ZFYVE27: variants seen among roughly 807,000 people sequenced by gnomAD.
The protein encoded by ZFYVE27 is protrudin.
A neutral mutation model predicts 52.8 loss-of-function variants in ZFYVE27; 36 were observed. The ratio of observed to expected loss-of-function variants is 0.68; its 90% CI spans 0.52 to 0.90. The LOEUF (loss-of-function observed/expected upper bound fraction) is 0.90, where lower values mean the gene tolerates loss of function less well. ZFYVE27 is among the 40% of genes least tolerant of loss of function. The pLI, the probability that ZFYVE27 is intolerant of heterozygous loss-of-function variation, is 0.00. For synonymous variants in ZFYVE27, 223 were observed against 215.6 expected, an observed-to-expected ratio of 1.03 and a Z score of -0.30; for missense variants, 450 against 527.2, an observed-to-expected ratio of 0.85 and a Z score of 1.43.
intron 6 of ZFYVE27, among the ~76,000 whole-genome samples, chr10:97,749,806 C>T (rs1288680766): frequency 2.0e-5 from 3 of 152,216 alleles, no homozygotes; most frequent in African/African-American, 7.2e-5. Flanking sequence ...TCCCATCTCC[C>T]TTCGCTCCCT....
rs983085036 is a variant in ZFYVE27 at position 97,754,784 on chromosome 10, C to T, written c.1042+1602C>T. The T allele has an allele frequency of 4.1e-5, 53 of 1,289,238 alleles. No homozygotes were observed. The Admixed American group carries it at 4.6e-4, about 11-fold the overall frequency. The allele number at this position is 1,289,238 out of a possible 1,614,324, so 79.9% of individuals were successfully genotyped here. ...AGAGCAGCCAGATTCCAGCAGTGCCCGGTAACACTACACACAAGAAGTATT... is the reference window on the plus strand; with the variant it reads ...AGAGCAGCCAGATTCCAGCAGTGCCTGGTAACACTACACACAAGAAGTATT... On this transcript the variant is annotated intron_variant, in intron 10 of 12. Coordinates refer to ENST00000684270, the MANE Select transcript of ZFYVE27 (RefSeq NM_001385875.1).
At chr10:97,750,226 A>G in intron 6 of ZFYVE27, 105 bp from the exon 7 acceptor site, 2 of 1,415,270 alleles carry the variant, frequency 1.4e-6, no homozygotes, top group East Asian at 2.3e-5. Flanking sequence ...TCTTTCCTGT[A>G]GTGAAGGGAA....
chr10:97,751,181 G>A (rs1158127514), intron 7 of ZFYVE27, among the ~76,000 whole-genome samples: 1 of 152,114 alleles, frequency 6.6e-6, no homozygotes, highest in Non-Finnish European at 1.5e-5. Context: ...TGTGCGATGT[G>A]GCCACTGTAG....
chr10:97,748,179 C>A, intron 4 of ZFYVE27, 90 bp from the exon 5 acceptor site: 1 of 1,190,002 alleles, frequency 8.4e-7, no homozygotes, highest in Non-Finnish European at 1.2e-6. Context: ...AAGAGATTGA[C>A]CATCCCTAGC....
chr10:97,744,644 G>T, intron 3 of ZFYVE27, 85 bp from the exon 4 acceptor site: 1 of 1,519,574 alleles, frequency 6.6e-7, no homozygotes, highest in Admixed American at 1.8e-5. Flanking sequence ...CCTGGAGGAG[G>T]TGAGGAACAA....
intron 8 of ZFYVE27, among the ~76,000 whole-genome samples, chr10:97,751,754 T>G (rs112310395): frequency 4.1e-4 from 63 of 152,204 alleles, no homozygotes; most frequent in South Asian, 1.2e-3. Flanking sequence ...TTGGTGCCTT[T>G]GATATAGGAA....
At chr10:97,750,749 C>CT (rs987367899) in intron 7 of ZFYVE27, among the ~76,000 whole-genome samples, 99 of 145,554 alleles carry the variant, frequency 6.8e-4, no homozygotes, top group African/African-American at 1.3e-3. Context: ...TTTTTTTTTC[C>CT]TTTTTTTTTG....
At chr10:97,749,446 G>C (rs375823317) in intron 5 of ZFYVE27, 28 bp from the exon 6 acceptor site, 36 of 1,581,148 alleles carry the variant, frequency 2.3e-5, no homozygotes, top group Admixed American at 5.0e-5. Context: ...ACGAATTTCT[G>C]ATCTTGTGGT....
In ZFYVE27 at chr10:97,759,685, C is replaced by T; in HGVS notation, c.*385C>T. The T allele has an allele frequency of 3.2e-6, 1 of 315,300 alleles. No individual in the cohort carries two copies. The highest frequency in any genetic ancestry group is 6.2e-6 in the Non-Finnish European group (1 of 160,196). 19.5% of individuals were successfully genotyped at this position (315,300 alleles called of 1,614,324 possible). A position where few individuals can be genotyped will look rare whatever the true frequency, so the allele number is the denominator to read the frequency against. On this transcript the variant is annotated 3_prime_UTR_variant, in exon 13 of 13. Coordinates refer to ENST00000684270, the MANE Select transcript of ZFYVE27 (RefSeq NM_001385875.1). ...TGTGGCTGTGCCTGGGAATTCCAGA[C>T]CTGAGGTTGGGAAAAGAGGTTTTTC...
At position 97,750,455 on chromosome 10, in the gene ZFYVE27, C is replaced by G. The variant is rs765901780; in HGVS notation, c.789C>G (p.Ala263=). Residue 263 remains alanine, a synonymous_variant, in exon 7 of 13, where the codon GCC becomes GCG. Coordinates refer to ENST00000684270, the MANE Select transcript of ZFYVE27 (RefSeq NM_001385875.1). ...ATGGTCTGATGGACAGCACGCCTGCCCTCACACCCACGGAGGTAAGTGCCA... is the reference window on the plus strand; with the variant it reads ...ATGGTCTGATGGACAGCACGCCTGCGCTCACACCCACGGAGGTAAGTGCCA... ...GKDGLMDSTP[A]LTPTEDLTPG... is the part of the protein sequence containing the mutation. 3 of 1,614,146 alleles carry G rather than the reference C, an allele frequency of 1.9e-6. No homozygotes were observed. In the South Asian group the frequency reaches 3.3e-5, roughly 18 times the overall value.
At chr10:97,756,861 G>C (rs1054801037) in intron 10 of ZFYVE27, among the ~76,000 whole-genome samples, 2 of 152,196 alleles carry the variant, frequency 1.3e-5, no homozygotes, top group Non-Finnish European at 1.5e-5. Context: ...TAGCCTGTGG[G>C]TGGAGTATTT....
chr10:97,760,585 T>C lies in ZFYVE27; in HGVS notation c.*1285T>C, dbSNP rs1202193277. The C allele has an allele frequency of 2.0e-5, 3 of 152,138 alleles. No homozygotes were observed. Among genetic ancestry groups the C allele is most frequent in the Non-Finnish European group, 2.9e-5 (2 of 68,066 alleles). 9.4% of individuals were successfully genotyped at this position (152,138 alleles called of 1,614,324 possible). On this transcript the variant is annotated 3_prime_UTR_variant, in exon 13 of 13. Coordinates refer to ENST00000684270, the MANE Select transcript of ZFYVE27 (RefSeq NM_001385875.1). ...TGGGCTGCCTGGGACCCAGGACCCATGAGGGGGCTGAGAGGTTTCTACACT... is the reference window on the plus strand; with the variant it reads ...TGGGCTGCCTGGGACCCAGGACCCACGAGGGGGCTGAGAGGTTTCTACACT...
chr10:97,738,655 G>T lies in ZFYVE27; in HGVS notation c.178G>T (p.Gly60Cys). ...YLEPLKDAGD[G>C]VRYLLRWQMP... is the part of the protein sequence containing the mutation. The stretch of plus-strand genomic sequence containing the variant: ...GGAACCCTTGAAGGATGCAGGTGAT[G>T]GTGTTCGATACTTGCTCAGGTACAG... Residue 60 changes from glycine (G) to cysteine (C), a missense_variant, in exon 2 of 13, where the codon GGT (glycine) becomes TGT (cysteine). Coordinates refer to ENST00000684270, the MANE Select transcript of ZFYVE27 (RefSeq NM_001385875.1). 1 of 1,614,214 alleles carries T rather than the reference G, an allele frequency of 6.2e-7. No homozygotes were observed. Among genetic ancestry groups the T allele is most frequent in the Non-Finnish European group, 8.5e-7 (1 of 1,180,032 alleles).
intron 4 of ZFYVE27, among the ~76,000 whole-genome samples, chr10:97,746,047 ATAT>A (rs1419044312): frequency 1.5e-5 from 1 of 66,554 alleles, no homozygotes; most frequent in Non-Finnish European, 3.6e-5. Context: ...ATATATATAT[ATAT>A]ATTTTTTTTT....
At chr10:97,757,599 C>T (rs201657826) in intron 11 of ZFYVE27, 43 bp from the exon 12 acceptor site, 17 of 1,600,990 alleles carry the variant, frequency 1.1e-5, no homozygotes, top group East Asian at 4.5e-5. Context: ...ACTCCAGGTA[C>T]CTGAGGGTGA....
chr10:97,752,806 C>T, intron 8 of ZFYVE27, 51 bp from the exon 9 acceptor site: 1 of 1,604,746 alleles, frequency 6.2e-7, no homozygotes, highest in Non-Finnish European at 8.5e-7. Flanking sequence ...TTTCTTCTTG[C>T]TATCTTTTTC....
intron 2 of ZFYVE27, among the ~76,000 whole-genome samples, chr10:97,740,461 C>T (rs2043316013): frequency 6.6e-6 from 1 of 152,192 alleles, no homozygotes; most frequent in Admixed American, 6.5e-5. Flanking sequence ...GGCTGTGCCC[C>T]CGGCACATTC....
At chr10:97,750,130 CTG>C in intron 6 of ZFYVE27, 199 bp from the exon 7 acceptor site, 1 of 624,642 alleles carries the variant, frequency 1.6e-6, no homozygotes, top group African/African-American at 1.8e-5. Flanking sequence ...CATTTAATCT[CTG>C]TAGCTGTCTG....
intron 12 of ZFYVE27, 94 bp from the exon 13 acceptor site, chr10:97,759,142 C>T: frequency 7.4e-7 from 1 of 1,358,480 alleles, no homozygotes; most frequent in East Asian, 2.3e-5. Flanking sequence ...GGTGGGGGGT[C>T]TGTGTGGGGC....
Sources: allele counts gnomAD v4.1 joint callset (sites outside exome capture counted in the v4.1 genomes callset), GRCh38; gene constraint gnomAD v4.1.1; transcripts MANE v1.5; gene names NCBI Gene and HGNC (gene_info 2026-07-23, HGNC 2026-07-21).